The following SGK1 variants were observed in gnomAD, a reference collection of about 807,000 sequenced individuals.
The protein encoded by SGK1 is serum/glucocorticoid regulated kinase 1, also known as serine/threonine-protein kinase Sgk1.
Under a neutral mutation model 64.2 loss-of-function variants are expected in SGK1, and 26 were observed. The observed-to-expected ratio is 0.40, with a 90% CI of 0.30 to 0.56. The LOEUF is 0.56. Among genes scored for constraint, SGK1 ranks in the 20% least tolerant of loss-of-function variants. The pLI, the probability that SGK1 is intolerant of heterozygous loss-of-function variation, is 0.38. For synonymous variants in SGK1, 265 were observed against 239.7 expected, an observed-to-expected ratio of 1.11 and a Z score of -0.98; for missense variants, 519 against 645.6, an observed-to-expected ratio of 0.80 and a Z score of 2.12.
chr6:134,273,128 G>A (rs577994319), intron 1 of SGK1, among the ~76,000 whole-genome samples: 1 of 147,974 alleles, frequency 6.8e-6, no homozygotes, highest in Non-Finnish European at 1.5e-5. Context: ...GGTTTTGTGA[G>A]GACTAAATGA....
rs68106923 is a variant in SGK1 at position 134,256,088 on chromosome 6, C to CTTTT, written c.285+5841_285+5844dup. ...AAATATTCCTCTTTGGTCCTTTTTCCTTTTTTTTTTTTTGTATTTTGTCGA... is the reference window on the plus strand; with the variant it reads ...AAATATTCCTCTTTGGTCCTTTTTCCTTTTTTTTTTTTTTTTTGTATTTTGTCGA... On this transcript the variant is annotated intron_variant, in intron 2 of 13. Coordinates refer to ENST00000367858, the MANE Select transcript of SGK1 (RefSeq NM_001143676.3). Among the ~76,000 whole-genome samples the CTTTT allele has an allele frequency of 9.8e-4, 137 of 139,170 alleles. 2 individuals carry two copies. Among genetic ancestry groups the CTTTT allele is most frequent in the South Asian group, 1.6e-3 (7 of 4,510 alleles). The allele number at this position is 139,170 out of a possible 152,430, so 91.3% of individuals were successfully genotyped here.
Position 134,227,323 on chromosome 6 carries a change from T to C in SGK1, c.286-19892A>G, listed in dbSNP as rs537196417. Among the ~76,000 whole-genome samples the C allele has an allele frequency of 6.6e-5, 10 of 152,200 alleles. No homozygotes were observed. In the East Asian group the frequency reaches 1.9e-3, roughly 29 times the overall value. ...CTAATTTTTGTATTTTTAGTAGAGA[T>C]AGGGTTTCACCATCTTGGCCAGGCT... On this transcript the variant is annotated intron_variant, in intron 2 of 13. Coordinates refer to ENST00000367858, the MANE Select transcript of SGK1 (RefSeq NM_001143676.3).
At chr6:134,233,504 G>A (rs1776320299) in intron 2 of SGK1, among the ~76,000 whole-genome samples, 1 of 152,154 alleles carries the variant, frequency 6.6e-6, no homozygotes, top group African/African-American at 2.4e-5. Flanking sequence ...ACATGCCAGG[G>A]CAGCACTATG....
At chr6:134,199,250 C>A (rs1431124590) in intron 3 of SGK1, among the ~76,000 whole-genome samples, 3 of 152,110 alleles carry the variant, frequency 2.0e-5, no homozygotes, top group Admixed American at 2.0e-4. Flanking sequence ...GCACAACAAA[C>A]CCCTGTGACA....
intron 2 of SGK1, among the ~76,000 whole-genome samples, chr6:134,250,856 C>A (rs1776595898): frequency 6.6e-6 from 1 of 152,160 alleles, no homozygotes; most frequent in African/African-American, 2.4e-5. Flanking sequence ...TCACTGCAGA[C>A]TTGACCTCCT....
intron 3 of SGK1, among the ~76,000 whole-genome samples, chr6:134,194,520 C>CT (rs71708614): frequency 0.33 from 46,400 of 138,618 alleles, 7,933 homozygotes; most frequent in South Asian, 0.46. Flanking sequence ...AAAAGTTTTT[C>CT]TTTTTTTTTT....
In SGK1 at chr6:134,316,748, A is replaced by C. The variant is rs1276219861; in HGVS notation, c.69+644T>G. 1.6e-4 allele frequency among the ~76,000 whole-genome samples: 16 copies of C among 99,908 alleles called. No homozygotes were observed. In the East Asian group the frequency reaches 3.3e-3, roughly 21 times the overall value. 65.5% of individuals were successfully genotyped at this position (99,908 alleles called of 152,430 possible). Reference sequence around the variant, plus strand: ...GACCTCCCACTGCTCTCTCCCAAAAAAAAAAAAAAAAAAAAAAAAAAAAAG... The same window carrying C: ...GACCTCCCACTGCTCTCTCCCAAAACAAAAAAAAAAAAAAAAAAAAAAAAG... On this transcript the variant is annotated intron_variant, in intron 1 of 13. Coordinates refer to ENST00000367858, the MANE Select transcript of SGK1 (RefSeq NM_001143676.3).
intron 1 of SGK1, among the ~76,000 whole-genome samples, chr6:134,305,653 G>T (rs1475832840): frequency 1.3e-5 from 2 of 151,574 alleles, no homozygotes; most frequent in African/African-American, 4.8e-5. Context: ...AATGTATTTT[G>T]CTGTTTTTTC....
At chr6:134,259,477 TAAA>T (rs35942047) in intron 2 of SGK1, among the ~76,000 whole-genome samples, 2 of 135,580 alleles carry the variant, frequency 1.5e-5, no homozygotes, top group Non-Finnish European at 1.6e-5. Flanking sequence ...CCATCTCTAC[TAAA>T]AAAAAAAAAA....
intron 3 of SGK1, among the ~76,000 whole-genome samples, chr6:134,181,827 G>A (rs528337003): frequency 6.6e-6 from 1 of 152,090 alleles, no homozygotes; most frequent in South Asian, 2.1e-4. Flanking sequence ...TCTAGTTGGC[G>A]ACAACTGAGG....
intron 3 of SGK1, among the ~76,000 whole-genome samples, chr6:134,176,798 G>A (rs959345427): frequency 3.9e-5 from 6 of 152,202 alleles, no homozygotes; most frequent in Non-Finnish European, 2.9e-5. Flanking sequence ...TTGCCCTAAA[G>A]TGAGCTCTAG....
intron 3 of SGK1, among the ~76,000 whole-genome samples, chr6:134,206,397 T>C: frequency 8.1e-6 from 1 of 123,674 alleles, no homozygotes; most frequent in African/African-American, 3.2e-5. Flanking sequence ...TTTTTTTTTT[T>C]TTTTTTTTTT....
chr6:134,230,496 T>G (rs1440393200), intron 2 of SGK1: 2 of 151,934 alleles, frequency 1.3e-5, no homozygotes, highest in Non-Finnish European at 2.9e-5. Flanking sequence ...CCGGAAGAAG[T>G]GCCGAGAAAG....
At chr6:134,250,670 A>G (rs899227163) in intron 2 of SGK1, among the ~76,000 whole-genome samples, 9 of 152,216 alleles carry the variant, frequency 5.9e-5, no homozygotes, top group African/African-American at 1.9e-4. Context: ...TTTCTGTAGA[A>G]GATTTGTAAG....
intron 2 of SGK1, among the ~76,000 whole-genome samples, chr6:134,239,564 TTCTAACA>T (rs1403955442): frequency 6.6e-6 from 1 of 152,154 alleles, no homozygotes; most frequent in Non-Finnish European, 1.5e-5. Context: ...CCCTTTTTAG[TTCTAACA>T]TCCCATCAGC....
chr6:134,217,746 C>T (rs899360559), intron 2 of SGK1, among the ~76,000 whole-genome samples: 4 of 152,144 alleles, frequency 2.6e-5, no homozygotes, highest in African/African-American at 9.7e-5. Context: ...ATGATTTATC[C>T]TTCTTCAATT....
At position 134,171,691 on chromosome 6, in the gene SGK1, C is replaced by T; in HGVS notation, c.1113G>A (p.Arg371=). The T allele has an allele frequency of 6.2e-7, 1 of 1,614,068 alleles. No individual in the cohort carries two copies. The highest frequency in any genetic ancestry group is 1.3e-5 in the African/African-American group (1 of 75,032). Residue 371 remains arginine, a synonymous_variant, in exon 11 of 14, where the codon AGG becomes AGA. Coordinates refer to ENST00000367858, the MANE Select transcript of SGK1 (RefSeq NM_001143676.3). Reference sequence around the variant, plus strand: ...CTCCCAGGCACCACCAGTCCACAGTCCTGTCATAAGGCTGCTTATGAAGCA... The same window carrying T: ...CTCCCAGGCACCACCAGTCCACAGTTCTGTCATAAGGCTGCTTATGAAGCA... ...PEVLHKQPYD[R]TVDWWCLGAV...
intron 2 of SGK1, among the ~76,000 whole-genome samples, chr6:134,211,758 C>T (rs1024557261): frequency 1.3e-4 from 20 of 151,460 alleles, no homozygotes; most frequent in Non-Finnish European, 7.4e-5. Flanking sequence ...ACATTTTGAG[C>T]AGCACTGTAA....
At chr6:134,280,005 C>A (rs1290643906) in intron 1 of SGK1, among the ~76,000 whole-genome samples, 9 of 151,858 alleles carry the variant, frequency 5.9e-5, no homozygotes, top group Non-Finnish European at 1.3e-4. Flanking sequence ...CCAGCCGGGG[C>A]AACATAGTGA....
Sources: gnomAD v4.1 joint callset for allele counts (sites outside exome capture counted in the v4.1 genomes callset) on GRCh38, gnomAD v4.1.1 for gene constraint, MANE v1.5 for transcripts, NCBI Gene and HGNC (gene_info 2026-07-23, HGNC 2026-07-21) for gene names.